Variants in DOCK2 observed in about 807,000 individuals in gnomAD.
DOCK2 encodes dedicator of cytokinesis protein 2.
DOCK2 carries 87 observed loss-of-function variants against 248.9 expected under a neutral mutation model. The ratio of observed to expected loss-of-function variants is 0.35; its 90% CI spans 0.29 to 0.42. The LOEUF is 0.42. DOCK2 is among the 10% of genes least tolerant of loss of function. DOCK2 has a pLI of 1.00. For missense variants in DOCK2, 1,747 were observed against 2,300.2 expected (o/e 0.76, Z 4.92); for synonymous variants, 805 against 821.6 (o/e 0.98, Z 0.35).
At position 170,019,049 on chromosome 5, in the gene DOCK2, A is replaced by T; in HGVS notation, c.3322A>T (p.Ile1108Leu). 1 of 1,614,166 alleles carries T rather than the reference A, an allele frequency of 6.2e-7. No homozygotes were observed. Among genetic ancestry groups the T allele is most frequent in the South Asian group, 1.1e-5 (1 of 91,086 alleles). ...IPEAELRKAT[I>L]PIFFDMMLCE... ...TGAGGCTGAGCTCCGGAAAGCCACCATACCAATCTTCTTCGACATGATGCT... is the reference window on the plus strand; with the variant it reads ...TGAGGCTGAGCTCCGGAAAGCCACCTTACCAATCTTCTTCGACATGATGCT... The change falls in exon 33 of 52, where the codon ATA becomes TTA. Residue 1108 changes from isoleucine to leucine, a missense_variant. Physicochemically the swap from Ile to Leu is conservative, Grantham distance 5. Transcript: ENST00000520908.
intron 1 of DOCK2, among the ~76,000 whole-genome samples, chr5:169,643,055 T>C (rs996465569): frequency 6.6e-6 from 1 of 151,846 alleles, no homozygotes; most frequent in Admixed American, 6.6e-5. Flanking sequence ...TCCAGAGGAG[T>C]CTGGGCGGAG....
chr5:169,814,119 G>C (rs1767920032), intron 26 of DOCK2, among the ~76,000 whole-genome samples: 1 of 152,174 alleles, frequency 6.6e-6, no homozygotes, highest in African/African-American at 2.4e-5. Context: ...TCTTCCCAAA[G>C]TATCCACTGA....
chr5:169,705,122 C>A lies in DOCK2; in HGVS notation c.1383+2695C>A, dbSNP rs557048573. On this transcript the variant is annotated intron_variant, in intron 14 of 51. Transcript: ENST00000520908. ...GGTTGCAGTGAGCTGAGATCGCACC[C>A]CAGCCACTCCAGCCTGGCCGACAAA... is the stretch of plus-strand genomic sequence containing the variant. 5.9e-3 allele frequency among the ~76,000 whole-genome samples: 904 copies of A among 152,122 alleles called. 3 individuals carry two copies. The highest frequency in any genetic ancestry group is 9.3e-3 in the Non-Finnish European group (632 of 68,010).
chr5:169,985,710 G>C, intron 28 of DOCK2, 118 bp from the exon 29 acceptor site: 1 of 631,932 alleles, frequency 1.6e-6, no homozygotes, highest in Non-Finnish European at 2.6e-6. Flanking sequence ...TTAATGAAAG[G>C]CTGTGTCCCT....
At chr5:169,670,988 C>A in intron 4 of DOCK2, 90 bp from the exon 5 acceptor site, 2 of 1,062,562 alleles carry the variant, frequency 1.9e-6, no homozygotes. Context: ...GGCCCCTCCG[C>A]AGCTGCAGCT....
chr5:169,925,654 G>A (rs768397989), intron 27 of DOCK2, among the ~76,000 whole-genome samples: 1 of 148,132 alleles, frequency 6.8e-6, no homozygotes, highest in Admixed American at 6.8e-5. Context: ...GATTGGTTGT[G>A]TGACCTGTGG....
chr5:169,751,682 C>G (rs191927051), intron 23 of DOCK2, among the ~76,000 whole-genome samples: 9 of 152,322 alleles, frequency 5.9e-5, no homozygotes, highest in African/African-American at 1.9e-4. Context: ...GAGTTGCTTT[C>G]TGTGGTTTTT....
Position 169,868,587 on chromosome 5 carries a change from C to T in DOCK2, c.2799+27735C>T, listed in dbSNP as rs183045672. Among the ~76,000 whole-genome samples the T allele has an allele frequency of 7.2e-4, 109 of 152,168 alleles. 1 individual carries two copies. Among genetic ancestry groups the T allele is most frequent in the Middle Eastern group, 3.4e-3 (1 of 294 alleles). ...CAGCCTGGGCAACATAGCGAGACACCATCTCTACAAAAAGTAAAAAATTAG... is the reference window on the plus strand; with the variant it reads ...CAGCCTGGGCAACATAGCGAGACACTATCTCTACAAAAAGTAAAAAATTAG... On this transcript the variant is annotated intron_variant, in intron 27 of 51. Coordinates refer to ENST00000520908, the MANE Select transcript of DOCK2 (RefSeq NM_004946.3).
At chr5:170,046,192 G>A (rs890497260) in intron 39 of DOCK2, among the ~76,000 whole-genome samples, 16 of 152,200 alleles carry the variant, frequency 1.1e-4, no homozygotes, top group Admixed American at 3.9e-4. Context: ...CCCAATAAAC[G>A]CTGTGTTACA....
At chr5:170,004,201 G>A (rs184927064) in intron 30 of DOCK2, among the ~76,000 whole-genome samples, 73 of 152,226 alleles carry the variant, frequency 4.8e-4, no homozygotes, top group Admixed American at 4.5e-3. Flanking sequence ...ATAGATAATC[G>A]AAATGAGTAT....
chr5:170,064,377 T>C (rs1028186576), intron 44 of DOCK2, among the ~76,000 whole-genome samples: 1 of 151,726 alleles, frequency 6.6e-6, no homozygotes, highest in South Asian at 2.1e-4. Context: ...AGGAGAGCAA[T>C]GCAAGAACAA....
At chr5:169,871,597 G>A (rs988891659) in intron 27 of DOCK2, among the ~76,000 whole-genome samples, 23 of 152,288 alleles carry the variant, frequency 1.5e-4, no homozygotes, top group Admixed American at 7.2e-4. Context: ...GTCAGAATCC[G>A]AACCCTGACA....
chr5:169,662,035 C>T (rs963165221), intron 2 of DOCK2, among the ~76,000 whole-genome samples: 1 of 152,168 alleles, frequency 6.6e-6, no homozygotes, highest in Non-Finnish European at 1.5e-5. Flanking sequence ...TTAGGAACTT[C>T]CATACCTTTT....
At position 169,708,234 on chromosome 5, in the gene DOCK2, A is replaced by G. The variant is rs139876228; in HGVS notation, c.1449A>G (p.Gln483=). 2 of 1,613,994 alleles carry G rather than the reference A, an allele frequency of 1.2e-6. No individual in the cohort carries two copies. The highest frequency in any genetic ancestry group is 1.7e-6 in the Non-Finnish European group (2 of 1,179,954). The change falls in exon 15 of 52, where the codon CAA becomes CAG. Residue 483 remains glutamine (Q), a synonymous_variant. Coordinates refer to ENST00000520908, the MANE Select transcript of DOCK2 (RefSeq NM_004946.3). ...MNEYRSVVYY[Q]VKQPRWMETV... is the part of the protein sequence containing the mutation. ...AGTATCGCTCCGTTGTGTACTATCA[A>G]GTCAAACAGCCACGCTGGATGGAAA...
At chr5:170,037,781 C>A (rs1049353615) in intron 36 of DOCK2, among the ~76,000 whole-genome samples, 1 of 152,136 alleles carries the variant, frequency 6.6e-6, no homozygotes, top group Non-Finnish European at 1.5e-5. Context: ...CCACTGCGTC[C>A]GGCCACAACA....
At chr5:169,891,394 C>T (rs1338087631) in intron 27 of DOCK2, among the ~76,000 whole-genome samples, 2 of 152,174 alleles carry the variant, frequency 1.3e-5, no homozygotes, top group Non-Finnish European at 2.9e-5. Flanking sequence ...TTAGAGGCTT[C>T]AAGGAATCAT....
intron 27 of DOCK2, among the ~76,000 whole-genome samples, chr5:169,847,910 C>A (rs1056193028): frequency 6.6e-6 from 1 of 152,118 alleles, no homozygotes; most frequent in Non-Finnish European, 1.5e-5. Flanking sequence ...TGGCCCAGTC[C>A]AAAAACTCTT....
intron 23 of DOCK2, among the ~76,000 whole-genome samples, chr5:169,748,027 G>T (rs1763706583): frequency 6.6e-6 from 1 of 152,202 alleles, no homozygotes; most frequent in Non-Finnish European, 1.5e-5. Context: ...GCTGTTTCAG[G>T]GAGACTTCAG....
chr5:170,013,900 A>G (rs915562342), intron 32 of DOCK2, among the ~76,000 whole-genome samples: 8 of 152,098 alleles, frequency 5.3e-5, no homozygotes, highest in African/African-American at 1.9e-4. Flanking sequence ...TGATCATTGC[A>G]CTGAATAGTT....
Sources: allele counts gnomAD v4.1 joint callset (sites outside exome capture counted in the v4.1 genomes callset), GRCh38; gene constraint gnomAD v4.1.1; transcripts MANE v1.5; gene names NCBI Gene and HGNC (gene_info 2026-07-23, HGNC 2026-07-21).